The following C16orf87 variants were observed in gnomAD, a reference collection of about 807,000 sequenced individuals.
C16orf87 encodes the protein HDAC and MIER1 interacting protein 1, also known as UPF0547 protein C16orf87.
In C16orf87, 13 loss-of-function variants were observed where a neutral mutation model predicts 21.0. The ratio of observed to expected loss-of-function variants is 0.62; its 90% CI spans 0.40 to 0.98. The LOEUF is 0.98. C16orf87 is among the 50% of genes least tolerant of loss of function. The probability of loss-of-function intolerance (pLI) is 0.00; values close to 1 mark genes in which losing one functional copy is unlikely to be tolerated. For missense variants in C16orf87, 113 were observed against 180.4 expected, an observed-to-expected ratio of 0.63 and a Z score of 2.14; for synonymous variants, 49 against 60.2, an observed-to-expected ratio of 0.81 and a Z score of 0.86.
intron 1 of C16orf87, among the ~76,000 whole-genome samples, chr16:46,829,899 T>C (rs2143190396): frequency 7.1e-6 from 1 of 141,724 alleles, no homozygotes; most frequent in East Asian, 2.1e-4. Flanking sequence ...TATTAAAAAG[T>C]CTCCAGCCAT....
At chr16:46,822,022 C>T (rs1596823254) in intron 2 of C16orf87, among the ~76,000 whole-genome samples, 1 of 152,178 alleles carries the variant, frequency 6.6e-6, no homozygotes, top group African/African-American at 2.4e-5. Flanking sequence ...AACTTAACAA[C>T]TCATTAACAC....
At position 46,798,234 on chromosome 16, in the gene C16orf87, A is replaced by C. The variant is rs897323917; in HGVS notation, c.*4718T>G. 1 of 152,282 alleles carries C rather than the reference A, an allele frequency of 6.6e-6. No individual in the cohort carries two copies. Among genetic ancestry groups the C allele is most frequent in the Admixed American group, 6.5e-5 (1 of 15,286 alleles). The allele number at this position is 152,282 out of a possible 1,614,324, so 9.4% of individuals were successfully genotyped here. On this transcript the variant is annotated 3_prime_UTR_variant, in exon 4 of 4. Transcript: ENST00000285697. ...TCAATAAACCAGAGCAGGTTCTTAC[A>C]AAAGAGAAATGCAGCCGGGCACGGT...
intron 1 of C16orf87, among the ~76,000 whole-genome samples, chr16:46,825,270 C>T (rs1167832902): frequency 1.3e-5 from 2 of 152,132 alleles, no homozygotes; most frequent in Non-Finnish European, 2.9e-5. Flanking sequence ...AAAGGTAGAT[C>T]TGCCAGAGTT....
At chr16:46,826,960 T>C (rs1959643579) in intron 1 of C16orf87, among the ~76,000 whole-genome samples, 1 of 152,226 alleles carries the variant, frequency 6.6e-6, no homozygotes, top group Non-Finnish European at 1.5e-5. Context: ...TTCAGTCTTA[T>C]ACAAAAGAAC....
intron 3 of C16orf87, among the ~76,000 whole-genome samples, chr16:46,803,390 CTG>C (rs562837306): frequency 6.6e-6 from 1 of 152,190 alleles, no homozygotes; most frequent in Non-Finnish European, 1.5e-5. Flanking sequence ...GAAATTCACT[CTG>C]AGAGATGGTC....
intron 3 of C16orf87, among the ~76,000 whole-genome samples, chr16:46,804,918 C>T (rs1967882526): frequency 6.6e-6 from 1 of 152,172 alleles, no homozygotes; most frequent in South Asian, 2.1e-4. Flanking sequence ...TTCATTGATG[C>T]TAGTCATATA....
chr16:46,828,217 T>C (rs538212037), intron 1 of C16orf87, among the ~76,000 whole-genome samples: 1 of 152,302 alleles, frequency 6.6e-6, no homozygotes, highest in South Asian at 2.1e-4. Flanking sequence ...TGTGAGCCAC[T>C]GCACACAGCC....
chr16:46,813,169 T>C (rs1228475059), intron 2 of C16orf87, among the ~76,000 whole-genome samples: 1 of 152,206 alleles, frequency 6.6e-6, no homozygotes, highest in African/African-American at 2.4e-5. Flanking sequence ...CCCTAAACTC[T>C]AGACTGCCTA....
At chr16:46,813,478 T>TAAAAA (rs35686982) in intron 2 of C16orf87, among the ~76,000 whole-genome samples, 2 of 137,450 alleles carry the variant, frequency 1.5e-5, no homozygotes, top group Non-Finnish European at 3.1e-5. Context: ...AATATTATCT[T>TAAAAA]AAAAAAAAAA....
intron 2 of C16orf87, among the ~76,000 whole-genome samples, chr16:46,812,333 A>T (rs1968113666): frequency 6.6e-6 from 1 of 152,204 alleles, no homozygotes; most frequent in East Asian, 1.9e-4. Flanking sequence ...ATTCTAAGAC[A>T]ATTTTTGAGA....
At chr16:46,808,435 T>C (rs908555950) in intron 3 of C16orf87, among the ~76,000 whole-genome samples, 1 of 152,248 alleles carries the variant, frequency 6.6e-6, no homozygotes, top group Non-Finnish European at 1.5e-5. Context: ...AATGGTCTTA[T>C]TGTCTAAAAT....
intron 1 of C16orf87, among the ~76,000 whole-genome samples, chr16:46,830,307 A>AGAGAGAGAGGGAGAGAGAGT (rs758468161): frequency 9.2e-6 from 1 of 109,142 alleles, no homozygotes; most frequent in East Asian, 2.7e-4. Flanking sequence ...AGAGAGAGAG[A>AGAGAGAGAGGGAGAGAGAGT]GACACACAGA....
rs1967747487 is a variant in C16orf87 at position 46,800,808 on chromosome 16, T to A, written c.*2144A>T. 6.6e-6 allele frequency: 1 copy of A among 152,238 alleles called. No homozygotes were observed. Among genetic ancestry groups the A allele is most frequent in the Non-Finnish European group, 1.5e-5 (1 of 68,040 alleles). 9.4% of individuals were successfully genotyped at this position (152,238 alleles called of 1,614,324 possible). Reference sequence around the variant, plus strand: ...CATAGAGTACAATTTTTTGAAAAATTGGTTAAATAGGTTATGTCACAGAGG... The same window carrying A: ...CATAGAGTACAATTTTTTGAAAAATAGGTTAAATAGGTTATGTCACAGAGG... On this transcript the variant is annotated 3_prime_UTR_variant, in exon 4 of 4. Coordinates refer to ENST00000285697, the MANE Select transcript of C16orf87 (RefSeq NM_001001436.4).
At chr16:46,830,307 A>AGAGAAAGAGT (rs758468161) in intron 1 of C16orf87, among the ~76,000 whole-genome samples, 1 of 109,142 alleles carries the variant, frequency 9.2e-6, no homozygotes, top group South Asian at 3.3e-4. Flanking sequence ...AGAGAGAGAG[A>AGAGAAAGAGT]GACACACAGA....
In C16orf87 at chr16:46,831,070, C is replaced by T; in HGVS notation, c.66+14G>A. ...CACTGCCGCCCGCCCGCGCGCCCGG[C>T]CCCCGGCACCCACCTGTTGGTCGCA... On this transcript the variant is annotated intron_variant, in intron 1 of 3. Coordinates refer to ENST00000285697, the MANE Select transcript of C16orf87 (RefSeq NM_001001436.4). 6.4e-7 allele frequency: 1 copy of T among 1,556,816 alleles called. No individual in the cohort carries two copies. The highest frequency in any genetic ancestry group is 8.7e-7 in the Non-Finnish European group (1 of 1,148,184).
intron 2 of C16orf87, among the ~76,000 whole-genome samples, chr16:46,816,032 T>C (rs1254589208): frequency 6.6e-6 from 1 of 152,158 alleles, no homozygotes; most frequent in Non-Finnish European, 1.5e-5. Context: ...GGCATATACA[T>C]ACAATGGAAT....
chr16:46,816,655 C>T (rs547618556), intron 2 of C16orf87, among the ~76,000 whole-genome samples: 1 of 152,126 alleles, frequency 6.6e-6, no homozygotes, highest in East Asian at 1.9e-4. Flanking sequence ...AATTATATAC[C>T]CATTATTCTT....
At chr16:46,829,981 G>GA (rs1246850135) in intron 1 of C16orf87, among the ~76,000 whole-genome samples, 6 of 150,344 alleles carry the variant, frequency 4.0e-5, no homozygotes, top group African/African-American at 9.8e-5. Context: ...TAGTCATTTT[G>GA]AAAAAATCCA....
At chr16:46,811,202 A>C (rs2143084639) in intron 2 of C16orf87, among the ~76,000 whole-genome samples, 1 of 152,268 alleles carries the variant, frequency 6.6e-6, no homozygotes, top group East Asian at 1.9e-4. Context: ...AGGTACTAAC[A>C]TCACTAAAAG....
Sources: gnomAD v4.1 joint callset for allele counts (sites outside exome capture counted in the v4.1 genomes callset) on GRCh38, gnomAD v4.1.1 for gene constraint, MANE v1.5 for transcripts, NCBI Gene and HGNC (gene_info 2026-07-23, HGNC 2026-07-21) for gene names.